GPC5: variants seen among roughly 807,000 people sequenced by gnomAD.
The protein encoded by GPC5 is glypican 5, also known as glypican-5.
Under a neutral mutation model 53.9 loss-of-function variants are expected in GPC5, and 47 were observed. That is an observed-to-expected ratio of 0.87 (90% CI 0.69 to 1.11). The LOEUF is 1.11. GPC5 is among the 50% of genes most tolerant of loss of function. GPC5 has a pLI of 0.00. For synonymous variants in GPC5, 286 were observed against 263.3 expected (o/e 1.09, Z -0.84); for missense variants, 748 against 713.1 (o/e 1.05, Z -0.56).
intron 7 of GPC5, among the ~76,000 whole-genome samples, chr13:92,167,757 A>C (rs937352304): frequency 1.3e-5 from 2 of 152,160 alleles, no homozygotes; most frequent in Admixed American, 1.3e-4. Context: ...AATCATGTGG[A>C]TTACCAGAAT....
At chr13:91,937,564 C>A (rs1157580372) in intron 6 of GPC5, among the ~76,000 whole-genome samples, 1 of 152,004 alleles carries the variant, frequency 6.6e-6, no homozygotes, top group East Asian at 1.9e-4. Context: ...ATGAAGCTTG[C>A]AGATACTGTT....
chr13:91,873,282 T>C (rs1467273779), intron 5 of GPC5, among the ~76,000 whole-genome samples: 1 of 152,192 alleles, frequency 6.6e-6, no homozygotes, highest in Non-Finnish European at 1.5e-5. Flanking sequence ...AGTCAGATTG[T>C]CTGGACTTAA....
At chr13:91,904,596 C>G (rs1420272379) in intron 5 of GPC5, among the ~76,000 whole-genome samples, 10 of 151,898 alleles carry the variant, frequency 6.6e-5, no homozygotes, top group African/African-American at 2.2e-4. Context: ...ATCCCAGATT[C>G]TCCAGCTGTA....
intron 6 of GPC5, among the ~76,000 whole-genome samples, chr13:92,046,202 A>G (rs1412927615): frequency 2.0e-5 from 3 of 152,328 alleles, no homozygotes; most frequent in East Asian, 3.9e-4. Context: ...ATCTATGAGT[A>G]TAACAGTAGG....
chr13:91,578,137 A>G (rs975359592), intron 2 of GPC5, among the ~76,000 whole-genome samples: 1 of 152,212 alleles, frequency 6.6e-6, no homozygotes, highest in African/African-American at 2.4e-5. Context: ...TGCCCACAGC[A>G]GCAAGGAACT....
At chr13:91,909,296 G>T (rs777140332) in intron 6 of GPC5, among the ~76,000 whole-genome samples, 9 of 152,150 alleles carry the variant, frequency 5.9e-5, no homozygotes, top group Non-Finnish European at 1.2e-4. Flanking sequence ...AGTATAATAT[G>T]TACATCTAGA....
At chr13:92,597,653 T>C (rs957975405) in intron 7 of GPC5, among the ~76,000 whole-genome samples, 11 of 152,190 alleles carry the variant, frequency 7.2e-5, no homozygotes, top group African/African-American at 2.4e-4. Flanking sequence ...ACAAACTAGA[T>C]AGCATTTTTA....
intron 7 of GPC5, among the ~76,000 whole-genome samples, chr13:92,724,289 T>TA (rs1297113444): frequency 2.0e-5 from 3 of 151,502 alleles, no homozygotes; most frequent in African/African-American, 4.8e-5. Flanking sequence ...AATAAATAAG[T>TA]AAAAAAACTC....
chr13:91,488,563 T>C (rs540651244), intron 2 of GPC5, among the ~76,000 whole-genome samples: 62 of 152,354 alleles, frequency 4.1e-4, no homozygotes, highest in Admixed American at 5.9e-4. Flanking sequence ...TCTCTGAACA[T>C]AAATTGTGAA....
intron 6 of GPC5, among the ~76,000 whole-genome samples, chr13:92,096,143 A>G (rs539301395): frequency 1.5e-3 from 234 of 152,308 alleles, no homozygotes; most frequent in South Asian, 3.9e-3. Context: ...AAATTTCATT[A>G]CTTACTAGCA....
intron 2 of GPC5, among the ~76,000 whole-genome samples, chr13:91,549,276 A>T (rs2030484288): frequency 6.6e-6 from 1 of 151,424 alleles, no homozygotes; most frequent in Admixed American, 6.6e-5. Context: ...TTAAAAAAAA[A>T]AAGGCAAAAA....
intron 7 of GPC5, among the ~76,000 whole-genome samples, chr13:92,470,561 A>G (rs1309163175): frequency 6.6e-6 from 1 of 152,146 alleles, no homozygotes; most frequent in Non-Finnish European, 1.5e-5. Context: ...AAGGCAAACT[A>G]TAATAAGAAA....
intron 7 of GPC5, among the ~76,000 whole-genome samples, chr13:92,842,742 C>A (rs1373067433): frequency 6.7e-6 from 1 of 149,008 alleles, no homozygotes; most frequent in Non-Finnish European, 1.5e-5. Flanking sequence ...AGGACTAAAA[C>A]AATTAGAAAA....
At chr13:92,527,176 A>AAGAAAGAAAG (rs1566276803) in intron 7 of GPC5, among the ~76,000 whole-genome samples, 1 of 80,964 alleles carries the variant, frequency 1.2e-5, no homozygotes, top group Non-Finnish European at 2.8e-5. Flanking sequence ...AAGAAAGAGA[A>AAGAAAGAAAG]AGAAAGAAGA....
chr13:91,986,231 A>G (rs1057335680), intron 6 of GPC5, among the ~76,000 whole-genome samples: 1 of 151,442 alleles, frequency 6.6e-6, no homozygotes, highest in African/African-American at 2.4e-5. Context: ...ATGCCCGGCT[A>G]ATTTTTTGTA....
chr13:92,695,462 G>C (rs903954759), intron 7 of GPC5, among the ~76,000 whole-genome samples: 1 of 152,068 alleles, frequency 6.6e-6, no homozygotes, highest in East Asian at 1.9e-4. Context: ...GGTGATAACA[G>C]CATCTCCAAA....
At chr13:92,608,750 T>C (rs954603706) in intron 7 of GPC5, among the ~76,000 whole-genome samples, 1 of 152,226 alleles carries the variant, frequency 6.6e-6, no homozygotes, top group African/African-American at 2.4e-5. Context: ...AGATGTTGTA[T>C]AGAGTTATCC....
At chr13:92,117,050 T>G (rs1189883507) in intron 6 of GPC5, among the ~76,000 whole-genome samples, 1 of 152,204 alleles carries the variant, frequency 6.6e-6, no homozygotes, top group Non-Finnish European at 1.5e-5. Context: ...TGAAGCTCAA[T>G]TTATTTTTTT....
chr13:92,027,670 A>C (rs1162659399), intron 6 of GPC5, among the ~76,000 whole-genome samples: 1 of 152,202 alleles, frequency 6.6e-6, no homozygotes, highest in East Asian at 1.9e-4. Context: ...GTTTTTAACC[A>C]TCTCCCATGA....
Sources: allele counts gnomAD v4.1 joint callset (sites outside exome capture counted in the v4.1 genomes callset), GRCh38; gene constraint gnomAD v4.1.1; transcripts MANE v1.5; gene names NCBI Gene and HGNC (gene_info 2026-07-23, HGNC 2026-07-21).